SEMA6D: variants seen among roughly 807,000 people sequenced by gnomAD.
The protein encoded by SEMA6D is semaphorin 6D, also known as semaphorin-6D.
Under a neutral mutation model 106.6 loss-of-function variants are expected in SEMA6D, and 35 were observed. That is an observed-to-expected ratio of 0.33 (90% CI 0.25 to 0.44). SEMA6D has a LOEUF of 0.44. Ranked by LOEUF, SEMA6D falls within the 20% of genes least tolerant of loss-of-function variation. The pLI, the probability that SEMA6D is intolerant of heterozygous loss-of-function variation, is 1.00. For synonymous variants in SEMA6D, 499 were observed against 487.7 expected, an observed-to-expected ratio of 1.02 and a Z score of -0.31; for missense variants, 1,185 against 1,345.9, an observed-to-expected ratio of 0.88 and a Z score of 1.87.
At chr15:47,697,353 C>T (rs1158245961) in intron 4 of SEMA6D, among the ~76,000 whole-genome samples, 1 of 152,178 alleles carries the variant, frequency 6.6e-6, no homozygotes, top group East Asian at 1.9e-4. Flanking sequence ...TCCCAAACAG[C>T]AAGCCCTGCC....
chr15:47,732,276 C>T (rs909300691), intron 1 of SEMA6D, among the ~76,000 whole-genome samples: 17 of 152,190 alleles, frequency 1.1e-4, no homozygotes, highest in African/African-American at 4.1e-4. Context: ...AATTCTTTGG[C>T]TAAACAAAGT....
chr15:47,746,590 A>G (rs2081145122), intron 1 of SEMA6D, among the ~76,000 whole-genome samples: 1 of 152,028 alleles, frequency 6.6e-6, no homozygotes, highest in South Asian at 2.1e-4. Context: ...GAACAAACAT[A>G]CTCTACTTCT....
intron 1 of SEMA6D, among the ~76,000 whole-genome samples, chr15:47,201,620 T>C (rs1190676964): frequency 6.6e-6 from 1 of 152,096 alleles, no homozygotes; most frequent in African/African-American, 2.4e-5. Flanking sequence ...GAGGATTCTT[T>C]TATGCAGTCC....
chr15:47,389,263 C>T (rs780902976), intron 1 of SEMA6D, among the ~76,000 whole-genome samples: 3 of 152,158 alleles, frequency 2.0e-5, no homozygotes, highest in Non-Finnish European at 4.4e-5. Flanking sequence ...AGAATAGTGT[C>T]TGGCACATAT....
At chr15:47,762,974 A>T in intron 8 of SEMA6D, 42 bp from the exon 9 acceptor site, 1 of 1,484,548 alleles carries the variant, frequency 6.7e-7, no homozygotes, top group South Asian at 1.2e-5. Flanking sequence ...TGCTAATTGA[A>T]TTATCCTTTA....
intron 1 of SEMA6D, among the ~76,000 whole-genome samples, chr15:47,292,626 G>A (rs62000198): frequency 0.012 from 1,811 of 152,248 alleles, 33 homozygotes; most frequent in Admixed American, 0.012. Context: ...GGGCCAAGGA[G>A]GTCTTGGATT....
intron 1 of SEMA6D, among the ~76,000 whole-genome samples, chr15:47,200,293 A>G (rs1247401465): frequency 1.3e-5 from 2 of 152,168 alleles, no homozygotes; most frequent in Non-Finnish European, 2.9e-5. Context: ...AAGAAGACCA[A>G]CTATATTTGT....
rs534824308 is a variant in SEMA6D, at chr15:47,545,074, G to A, written c.-86-55791G>A. On this transcript the variant is annotated intron_variant, in intron 3 of 19. Coordinates refer to the SEMA6D transcript ENST00000558014. ...TGCAAGATGGCATGGGATGAGGGAAGAAGAGGTAGTCAACCAACAAATCTA... is the reference window on the plus strand; with the variant it reads ...TGCAAGATGGCATGGGATGAGGGAAAAAGAGGTAGTCAACCAACAAATCTA... Among the ~76,000 whole-genome samples the A allele has an allele frequency of 4.0e-5, 6 of 150,256 alleles. No individual in the cohort carries two copies. The East Asian group carries it at 1.2e-3, about 30-fold the overall frequency.
At chr15:47,730,399 G>C (rs1416006775) in intron 1 of SEMA6D, 4 of 1,433,074 alleles carry the variant, frequency 2.8e-6, no homozygotes, top group Non-Finnish European at 3.9e-6. Flanking sequence ...TGATAATGCA[G>C]TAAGGGACCC....
intron 1 of SEMA6D, among the ~76,000 whole-genome samples, chr15:47,227,569 T>TCA (rs1555407289): frequency 0.013 from 1,611 of 127,936 alleles, 35 homozygotes; most frequent in African/African-American, 0.047. Context: ...TCTCTCTCTC[T>TCA]CACACACACA....
intron 2 of SEMA6D, among the ~76,000 whole-genome samples, chr15:47,429,542 A>G (rs891552107): frequency 1.3e-5 from 2 of 152,086 alleles, no homozygotes; most frequent in Non-Finnish European, 2.9e-5. Context: ...ACCCTATTGC[A>G]TATTTGGTGG....
chr15:47,255,382 A>G (rs2033752381), intron 1 of SEMA6D, among the ~76,000 whole-genome samples: 1 of 151,828 alleles, frequency 6.6e-6, no homozygotes, highest in African/African-American at 2.4e-5. Flanking sequence ...TATTTTTTTA[A>G]AAGAAAAACT....
At chr15:47,308,212 G>A (rs561481325) in intron 1 of SEMA6D, among the ~76,000 whole-genome samples, 2 of 152,224 alleles carry the variant, frequency 1.3e-5, no homozygotes, top group South Asian at 2.1e-4. Context: ...CTACATAGGT[G>A]AAAAGACCCT....
At chr15:47,523,691 A>G (rs567840360) in intron 3 of SEMA6D, among the ~76,000 whole-genome samples, 3 of 152,202 alleles carry the variant, frequency 2.0e-5, no homozygotes, top group African/African-American at 7.2e-5. Flanking sequence ...ATTTGTGAGC[A>G]TTCCCTTCTG....
chr15:47,334,486 G>A (rs2037473477), intron 1 of SEMA6D, among the ~76,000 whole-genome samples: 1 of 152,128 alleles, frequency 6.6e-6, no homozygotes, highest in Non-Finnish European at 1.5e-5. Flanking sequence ...GGTAGATAGT[G>A]TCAGATTGAA....
At position 47,375,019 on chromosome 15, in the gene SEMA6D, C is replaced by G. The variant is rs192766123; in HGVS notation, c.-238-37374C>G. The stretch of plus-strand genomic sequence containing the variant: ...CAGGGCACTTCATAACTTTTCACCT[C>G]TGATCTTATATAGTGTTTGCAATCT... On this transcript the variant is annotated intron_variant, in intron 1 of 19. Transcript: ENST00000558014. 3.4e-3 allele frequency among the ~76,000 whole-genome samples: 512 copies of G among 152,342 alleles called. 3 individuals are homozygous for G. The highest frequency in any genetic ancestry group is 4.1e-3 in the Non-Finnish European group (280 of 68,032).
chr15:47,218,636 T>G (rs2030892741), intron 1 of SEMA6D, among the ~76,000 whole-genome samples: 1 of 152,200 alleles, frequency 6.6e-6, no homozygotes, highest in South Asian at 2.1e-4. Flanking sequence ...TAAAACCCTT[T>G]CAATTCAAAT....
intron 3 of SEMA6D, among the ~76,000 whole-genome samples, chr15:47,519,316 A>G (rs562861178): frequency 6.6e-6 from 1 of 152,200 alleles, no homozygotes; most frequent in African/African-American, 2.4e-5. Context: ...TTGCAATACG[A>G]CATTTTGATA....
rs375194566 is a variant in SEMA6D at position 47,256,767 on chromosome 15, G to A, written c.-239+72349G>A. Among the ~76,000 whole-genome samples the A allele has an allele frequency of 1.8e-3, 269 of 152,202 alleles. 12 individuals carry two copies. The South Asian group carries it at 0.053, about 30-fold the overall frequency. The stretch of plus-strand genomic sequence containing the variant: ...CCAGCTACTCAGGAGGCTGAGGCAG[G>A]AGAATCACTTGAACCCGGGAGGTGG... On this transcript the variant is annotated intron_variant, in intron 1 of 19. Coordinates refer to the SEMA6D transcript ENST00000558014.
Sources: gnomAD v4.1 joint callset for allele counts (sites outside exome capture counted in the v4.1 genomes callset) on GRCh38, gnomAD v4.1.1 for gene constraint, MANE v1.5 for transcripts, NCBI Gene and HGNC (gene_info 2026-07-23, HGNC 2026-07-21) for gene names.